TNR: variants seen among roughly 807,000 people sequenced by gnomAD.
The protein encoded by TNR is tenascin R.
Under a neutral mutation model 150.4 loss-of-function variants are expected in TNR, and 45 were observed. The ratio of observed to expected loss-of-function variants is 0.30; its 90% CI spans 0.24 to 0.38. The LOEUF (loss-of-function observed/expected upper bound fraction) is 0.38, where lower values mean the gene tolerates loss of function less well. TNR is among the 10% of genes least tolerant of loss of function. The probability of loss-of-function intolerance (pLI) is 1.00; values close to 1 mark genes in which losing one functional copy is unlikely to be tolerated. For synonymous variants in TNR, 687 were observed against 678.4 expected (o/e 1.01, Z -0.20); for missense variants, 1,544 against 1,759.1 (o/e 0.88, Z 2.19).
intron 1 of TNR, among the ~76,000 whole-genome samples, chr1:175,669,170 T>C (rs1194200605): frequency 6.6e-6 from 1 of 152,174 alleles, no homozygotes; most frequent in Non-Finnish European, 1.5e-5. Context: ...GGGCTCTGAG[T>C]GTTGAAGAGG....
intron 2 of TNR, among the ~76,000 whole-genome samples, chr1:175,502,276 C>A (rs1004062379): frequency 1.3e-5 from 2 of 152,144 alleles, no homozygotes; most frequent in African/African-American, 2.4e-5. Flanking sequence ...CTCTGATGTG[C>A]AGAATGCTGG....
At chr1:175,512,112 T>C (rs747861878) in intron 2 of TNR, among the ~76,000 whole-genome samples, 1 of 152,148 alleles carries the variant, frequency 6.6e-6, no homozygotes, top group Non-Finnish European at 1.5e-5. Context: ...CATTCACTCC[T>C]AGAACATATC....
At chr1:175,540,710 C>A (rs1420937405) in intron 1 of TNR, among the ~76,000 whole-genome samples, 1 of 152,136 alleles carries the variant, frequency 6.6e-6, no homozygotes, top group Non-Finnish European at 1.5e-5. Flanking sequence ...CTCCCCTTCC[C>A]CAGAGGTAGC....
Position 175,337,537 on chromosome 1 carries a change from G to T in TNR, c.3525C>A (p.Gly1175=), listed in dbSNP as rs144915710. 1.2e-6 allele frequency: 2 copies of T among 1,612,998 alleles called. No homozygotes were observed. The highest frequency in any genetic ancestry group is 1.3e-5 in the African/African-American group (1 of 74,882). ...CACAGATTGTACTTACAATCCAGCC[G>T]CCCCCGTCGGTGGTCATATCACAGT... The part of the protein sequence containing the change: ...QVYCDMTTDG[G]GWIVFQRRQN... The change falls in exon 19 of 23, where the codon GGC becomes GGA. Residue 1175 remains glycine, a synonymous_variant. Transcript: ENST00000367674.
At chr1:175,564,534 G>A (rs1430411415) in intron 1 of TNR, among the ~76,000 whole-genome samples, 1 of 152,160 alleles carries the variant, frequency 6.6e-6, no homozygotes, top group South Asian at 2.1e-4. Context: ...TGTTGTATTG[G>A]TTGCACATTT....
intron 7 of TNR, among the ~76,000 whole-genome samples, chr1:175,389,863 G>T (rs704814): frequency 0.77 from 116,968 of 152,164 alleles, 45,074 homozygotes; most frequent in East Asian, 0.9. Flanking sequence ...ACAGAGCACT[G>T]TAGCTTTTAT....
intron 2 of TNR, among the ~76,000 whole-genome samples, chr1:175,438,169 G>C (rs1442025508): frequency 6.6e-6 from 1 of 152,160 alleles, no homozygotes; most frequent in Non-Finnish European, 1.5e-5. Flanking sequence ...ACATCAGAAA[G>C]CTTATCCACC....
intron 10 of TNR, among the ~76,000 whole-genome samples, chr1:175,366,559 C>T (rs1457259364): frequency 6.6e-6 from 1 of 152,218 alleles, no homozygotes; most frequent in African/African-American, 2.4e-5. Flanking sequence ...TTGTTCTAAC[C>T]ATAGCCAGGC....
chr1:175,684,434 A>C (rs562745654), intron 1 of TNR, among the ~76,000 whole-genome samples: 1 of 152,212 alleles, frequency 6.6e-6, no homozygotes, highest in Non-Finnish European at 1.5e-5. Context: ...AAGGGCATCA[A>C]TTAGGACTAT....
At chr1:175,485,380 C>T (rs569187407) in intron 2 of TNR, among the ~76,000 whole-genome samples, 1 of 152,228 alleles carries the variant, frequency 6.6e-6, no homozygotes, top group South Asian at 2.1e-4. Flanking sequence ...CATTGGCTCC[C>T]AGATCTCCCT....
intron 12 of TNR, among the ~76,000 whole-genome samples, chr1:175,364,318 T>C (rs905068485): frequency 2.7e-5 from 4 of 147,822 alleles, no homozygotes; most frequent in Middle Eastern, 3.5e-3. Flanking sequence ...ATTTCATTTA[T>C]GCTATGGGCT....
At chr1:175,540,760 G>A (rs950952011) in intron 1 of TNR, among the ~76,000 whole-genome samples, 8 of 151,866 alleles carry the variant, frequency 5.3e-5, no homozygotes, top group South Asian at 2.1e-4. Flanking sequence ...CTGGTTCACC[G>A]CCTCTACCTC....
chr1:175,679,848 A>T (rs1016278369), intron 1 of TNR, among the ~76,000 whole-genome samples: 3 of 152,194 alleles, frequency 2.0e-5, no homozygotes, highest in African/African-American at 7.2e-5. Context: ...CATTGCTCTG[A>T]CTTCTGTTTC....
At chr1:175,726,403 T>C (rs1333164183) in intron 1 of TNR, among the ~76,000 whole-genome samples, 1 of 152,216 alleles carries the variant, frequency 6.6e-6, no homozygotes, top group Non-Finnish European at 1.5e-5. Context: ...AGTGTGATTG[T>C]ATAGATTTTC....
chr1:175,470,424 T>C (rs1016926368), intron 2 of TNR, among the ~76,000 whole-genome samples: 1 of 152,152 alleles, frequency 6.6e-6, no homozygotes, highest in Non-Finnish European at 1.5e-5. Flanking sequence ...GCCACTAATG[T>C]CAGGAGCAGA....
intron 18 of TNR, among the ~76,000 whole-genome samples, chr1:175,341,948 C>T (rs901747436): frequency 6.6e-6 from 1 of 152,358 alleles, no homozygotes. Context: ...AGTCTGCCAA[C>T]AGGACAAGGT....
At chr1:175,481,875 G>A (rs1213984255) in intron 2 of TNR, among the ~76,000 whole-genome samples, 1 of 152,070 alleles carries the variant, frequency 6.6e-6, no homozygotes, top group African/African-American at 2.4e-5. Flanking sequence ...CTGTCCTGCT[G>A]CCTCCTGCTG....
chr1:175,380,187 T>A (rs1428383713), intron 8 of TNR, among the ~76,000 whole-genome samples: 1 of 152,164 alleles, frequency 6.6e-6, no homozygotes, highest in Non-Finnish European at 1.5e-5. Context: ...TTCCTCTGTG[T>A]TTACTTGAAT....
chr1:175,318,754 C>T lies in TNR; in HGVS notation c.*4603G>A, dbSNP rs951374715. 3 of 152,156 alleles carry T rather than the reference C, an allele frequency of 2.0e-5. No homozygotes were observed. The highest frequency in any genetic ancestry group is 4.4e-5 in the Non-Finnish European group (3 of 68,048). The allele number at this position is 152,156 out of a possible 1,614,324, so 9.4% of individuals were successfully genotyped here. On this transcript the variant is annotated 3_prime_UTR_variant, in exon 23 of 23. Coordinates refer to ENST00000367674, the MANE Select transcript of TNR (RefSeq NM_003285.3). ...GATAGACCCTCTCTGTCATGGTAACCTGGATGAAAGCAGACCATCAGGGAA... is the reference window on the plus strand; with the variant it reads ...GATAGACCCTCTCTGTCATGGTAACTTGGATGAAAGCAGACCATCAGGGAA...
Sources: gnomAD v4.1 joint callset for allele counts (sites outside exome capture counted in the v4.1 genomes callset) on GRCh38, gnomAD v4.1.1 for gene constraint, MANE v1.5 for transcripts, NCBI Gene and HGNC (gene_info 2026-07-23, HGNC 2026-07-21) for gene names.